The following PRKCA variants were observed in gnomAD, a reference collection of about 807,000 sequenced individuals.
The protein encoded by PRKCA is protein kinase C alpha, also known as protein kinase C alpha type.
PRKCA carries 27 observed loss-of-function variants against 87.0 expected under a neutral mutation model. The observed-to-expected ratio is 0.31, with a 90% CI of 0.23 to 0.43. PRKCA has a LOEUF of 0.43. PRKCA is among the 20% of genes least tolerant of loss of function. The probability of loss-of-function intolerance (pLI) is 1.00; values close to 1 mark genes in which losing one functional copy is unlikely to be tolerated. For synonymous variants in PRKCA, 329 were observed against 311.1 expected (o/e 1.06, Z -0.61); for missense variants, 518 against 852.3 (o/e 0.61, Z 4.88).
At chr17:66,346,378 T>G (rs1907369726) in intron 2 of PRKCA, among the ~76,000 whole-genome samples, 1 of 151,666 alleles carries the variant, frequency 6.6e-6, no homozygotes, top group Admixed American at 6.6e-5. Flanking sequence ...ATTACAGGCC[T>G]GAGCCACCAC....
At chr17:66,767,203 G>A (rs993574695) in intron 13 of PRKCA, among the ~76,000 whole-genome samples, 14 of 151,982 alleles carry the variant, frequency 9.2e-5, no homozygotes, top group African/African-American at 3.4e-4. Context: ...TAACATTATC[G>A]ATAGGTTCTT....
intron 5 of PRKCA, among the ~76,000 whole-genome samples, chr17:66,663,453 A>G (rs1229843663): frequency 6.6e-6 from 1 of 152,192 alleles, no homozygotes; most frequent in Admixed American, 6.5e-5. Context: ...TTAAGCACAG[A>G]TGAAGAGGAA....
At chr17:66,489,479 ATC>A (rs1567854998) in intron 2 of PRKCA, among the ~76,000 whole-genome samples, 1 of 150,526 alleles carries the variant, frequency 6.6e-6, no homozygotes, top group Non-Finnish European at 1.5e-5. Flanking sequence ...GTGACCAAAT[ATC>A]TCAGTAGTTT....
intron 3 of PRKCA, among the ~76,000 whole-genome samples, chr17:66,525,063 C>T (rs1026314589): frequency 1.3e-5 from 2 of 152,204 alleles, no homozygotes; most frequent in African/African-American, 4.8e-5. Flanking sequence ...CAGCAGAATG[C>T]AGTGCAGTTG....
intron 3 of PRKCA, among the ~76,000 whole-genome samples, chr17:66,507,368 A>G (rs568494673): frequency 6.6e-6 from 1 of 152,292 alleles, no homozygotes; most frequent in Non-Finnish European, 1.5e-5. Flanking sequence ...TCAACTTCCA[A>G]ACCTGTTCTT....
At chr17:66,392,672 TG>T (rs1367967856) in intron 2 of PRKCA, among the ~76,000 whole-genome samples, 1 of 152,186 alleles carries the variant, frequency 6.6e-6, no homozygotes, top group East Asian at 1.9e-4. Flanking sequence ...CGCCTTGCTG[TG>T]CGAAATGCTG....
At chr17:66,642,940 T>C (rs1567950552) in intron 4 of PRKCA, among the ~76,000 whole-genome samples, 1 of 152,280 alleles carries the variant, frequency 6.6e-6, no homozygotes, top group East Asian at 1.9e-4. Context: ...CTCAGGAGGC[T>C]GAGGCAGGAG....
intron 3 of PRKCA, among the ~76,000 whole-genome samples, chr17:66,589,195 C>T (rs1029814427): frequency 2.0e-5 from 3 of 152,118 alleles, no homozygotes; most frequent in Non-Finnish European, 4.4e-5. Flanking sequence ...CCCATCCTCC[C>T]AAACTAGAAG....
chr17:66,483,309 G>T (rs1915862007), intron 2 of PRKCA, among the ~76,000 whole-genome samples: 1 of 152,010 alleles, frequency 6.6e-6, no homozygotes, highest in African/African-American at 2.4e-5. Context: ...TCTGTTCCAT[G>T]ACTCCCCCTG....
At chr17:66,331,086 A>C (rs1199033203) in intron 2 of PRKCA, among the ~76,000 whole-genome samples, 3 of 152,212 alleles carry the variant, frequency 2.0e-5, no homozygotes, top group Admixed American at 6.5e-5. Context: ...GATGATGTGC[A>C]GAGATGGGAT....
At chr17:66,411,647 G>A (rs888797754) in intron 2 of PRKCA, among the ~76,000 whole-genome samples, 1 of 152,102 alleles carries the variant, frequency 6.6e-6, no homozygotes, top group African/African-American at 2.4e-5. Context: ...TTGCCCGAAT[G>A]GTGCAAAAGC....
intron 3 of PRKCA, among the ~76,000 whole-genome samples, chr17:66,550,371 C>G (rs1968288133): frequency 6.6e-6 from 1 of 152,112 alleles, no homozygotes; most frequent in African/African-American, 2.4e-5. Flanking sequence ...GGCTCTGGGT[C>G]CGGGTGCAGT....
At chr17:66,449,653 T>C (rs1236483873) in intron 2 of PRKCA, among the ~76,000 whole-genome samples, 3 of 152,174 alleles carry the variant, frequency 2.0e-5, no homozygotes, top group Admixed American at 6.5e-5. Flanking sequence ...GTTCCTTCTA[T>C]GAGCCAAACA....
Position 66,302,848 on chromosome 17 carries a change from G to GA in PRKCA, c.-3dup, listed in dbSNP as rs765975153. The GA allele has an allele frequency of 4.3e-5, 69 of 1,598,082 alleles. No individual in the cohort carries two copies. Among genetic ancestry groups the GA allele is most frequent in the Non-Finnish European group, 5.9e-5 (69 of 1,172,824 alleles). On this transcript the variant is annotated 5_prime_UTR_variant, in exon 1 of 17. Transcript: ENST00000413366. ...GCGGAGGCAAGAGGTGGTTGGGGGG[G>GA]ACCATGGCTGACGTTTTCCCGGGCA...
chr17:66,303,839 A>G (rs1904651772), intron 1 of PRKCA, among the ~76,000 whole-genome samples: 1 of 152,160 alleles, frequency 6.6e-6, no homozygotes, highest in Admixed American at 6.5e-5. Flanking sequence ...CCCGTCTACT[A>G]AAAATACAAA....
chr17:66,793,031 A>T (rs1975576862), intron 16 of PRKCA, among the ~76,000 whole-genome samples: 1 of 152,218 alleles, frequency 6.6e-6, no homozygotes. Flanking sequence ...ATTTTGTAAA[A>T]ACAAAAGCAA....
At chr17:66,696,102 T>C (rs1972913748) in intron 8 of PRKCA, among the ~76,000 whole-genome samples, 1 of 152,186 alleles carries the variant, frequency 6.6e-6, no homozygotes, top group Admixed American at 6.5e-5. Flanking sequence ...GGGGGAATCA[T>C]GGCAAACACC....
At chr17:66,390,652 G>A (rs1296626502) in intron 2 of PRKCA, among the ~76,000 whole-genome samples, 2 of 152,170 alleles carry the variant, frequency 1.3e-5, no homozygotes, top group Non-Finnish European at 2.9e-5. Flanking sequence ...GTTCCCAAAA[G>A]GTCATACCTT....
At position 66,603,555 on chromosome 17, in the gene PRKCA, G is replaced by T. The variant is rs9895536; in HGVS notation, c.289-37800G>T. Among the ~76,000 whole-genome samples, 334 of 152,184 alleles carry T rather than the reference G, an allele frequency of 2.2e-3. 2 individuals are homozygous for T. The highest frequency in any genetic ancestry group is 7.3e-3 in the African/African-American group (302 of 41,512). ...TTGGTAGACAGAGAGAGAGGTGAAG[G>T]TCCCTTCTATGCCTTTTTCTCTTTC... On this transcript the variant is annotated intron_variant, in intron 3 of 16. Coordinates refer to ENST00000413366, the MANE Select transcript of PRKCA (RefSeq NM_002737.3).
Sources: gnomAD v4.1 joint callset for allele counts (sites outside exome capture counted in the v4.1 genomes callset) on GRCh38, gnomAD v4.1.1 for gene constraint, MANE v1.5 for transcripts, NCBI Gene and HGNC (gene_info 2026-07-23, HGNC 2026-07-21) for gene names.